Variants in TTC8 observed in about 807,000 individuals in gnomAD.
TTC8 encodes the protein tetratricopeptide repeat protein 8.
Under a neutral mutation model 72.5 loss-of-function variants are expected in TTC8, and 47 were observed. The ratio of observed to expected loss-of-function variants is 0.65; its 90% CI spans 0.51 to 0.83. The LOEUF is 0.83. TTC8 is among the 40% of genes least tolerant of loss of function. The probability of loss-of-function intolerance (pLI) is 0.00; values close to 1 mark genes in which losing one functional copy is unlikely to be tolerated. For missense variants in TTC8, 611 were observed against 623.2 expected (o/e 0.98, Z 0.21); for synonymous variants, 199 against 221.4 (o/e 0.90, Z 0.90).
chr14:88,860,926 C>T (rs1056590318), intron 9 of TTC8, among the ~76,000 whole-genome samples: 1 of 151,900 alleles, frequency 6.6e-6, no homozygotes, highest in Non-Finnish European at 1.5e-5. Context: ...ATCTCAGCCT[C>T]CCAAGTAGCT....
rs79187200 is a variant in TTC8 at position 88,875,190 on chromosome 14, A to G, written c.1431+81A>G. 7.2e-3 allele frequency: 8,655 copies of G among 1,203,822 alleles called. 490 individuals are homozygous for G. The African/African-American group carries it at 0.11, about 16-fold the overall frequency. The allele number at this position is 1,203,822 out of a possible 1,614,324, so 74.6% of individuals were successfully genotyped here. ...TTAAAAAAAGTACAAATAAATGAGG[A>G]AATTCTAACCTCATCTTCCTGAAAG... On this transcript the variant is annotated intron_variant, in intron 14 of 14. Transcript: ENST00000380656.
chr14:88,830,859 C>T lies in TTC8; in HGVS notation c.115-2834C>T, dbSNP rs762567076. The T allele has an allele frequency of 1.8e-5, 8 of 456,006 alleles. No individual in the cohort carries two copies. The East Asian group carries it at 2.1e-4, about 12-fold the overall frequency. 28.2% of individuals were successfully genotyped at this position (456,006 alleles called of 1,614,324 possible). A position where few individuals can be genotyped will look rare whatever the true frequency, so the allele number is the denominator to read the frequency against. ...CCCCTATCTCCTAATTAAAACATTC[C>T]GACTCTTCCTTCATAGTCCTGCTCC... On this transcript the variant is annotated intron_variant, in intron 1 of 14. Transcript: ENST00000380656.
chr14:88,862,293 A>G (rs2094889394), intron 10 of TTC8, among the ~76,000 whole-genome samples: 1 of 151,604 alleles, frequency 6.6e-6, no homozygotes, highest in African/African-American at 2.4e-5. Context: ...TCTTTTGAGA[A>G]ATGTCTATTC....
upstream of TTC8, chr14:88,824,610 G>A (rs562830203): frequency 2.0e-6 from 2 of 979,296 alleles, no homozygotes; most frequent in Non-Finnish European, 3.1e-6. Flanking sequence ...GGCCCCAGCC[G>A]TCGCGGGTTG....
intron 1 of TTC8, among the ~76,000 whole-genome samples, chr14:88,832,351 C>T (rs1424646286): frequency 1.3e-5 from 2 of 152,172 alleles, no homozygotes; most frequent in African/African-American, 4.8e-5. Context: ...GCTGTTTTTT[C>T]CTTTTCAAGC....
chr14:88,864,418 C>T (rs959219205), intron 10 of TTC8, among the ~76,000 whole-genome samples: 36 of 152,198 alleles, frequency 2.4e-4, no homozygotes, highest in Admixed American at 2.6e-4. Flanking sequence ...GCCTTCTGCT[C>T]ATTTCAGCCC....
rs762698579 is a variant in TTC8 at position 88,841,574 on chromosome 14, A to C, written c.579+60A>C. 3 of 1,352,240 alleles carry C rather than the reference A, an allele frequency of 2.2e-6. No individual in the cohort carries two copies. The East Asian group carries it at 6.9e-5, about 31-fold the overall frequency. 83.8% of individuals were successfully genotyped at this position (1,352,240 alleles called of 1,614,324 possible). A position where few individuals can be genotyped will look rare whatever the true frequency, so the allele number is the denominator to read the frequency against. On this transcript the variant is annotated intron_variant, in intron 6 of 14. Transcript: ENST00000380656. The stretch of plus-strand genomic sequence containing the variant: ...ATATTACACGTATGATGATAATGAC[A>C]AATTAGAAAATGAATAAAAACTTGT...
Position 88,871,658 on chromosome 14 carries a change from C to CT in TTC8, c.1162dup (p.Ser388PhefsTer4). ...GACTCTGACCTCATTTGAACGTGCC[C>CT]TTTCTTTGGCTGAAAATGAAGAAGA... On this transcript the variant is annotated frameshift_variant, in exon 12 of 15. Coordinates refer to ENST00000380656, the MANE Select transcript of TTC8 (RefSeq NM_144596.4). LOFTEE classifies it high-confidence loss of function. The surrounding 1 kb of genome is among the most constrained non-coding windows in gnomAD (Gnocchi z 4.1). 6.2e-7 allele frequency: 1 copy of CT among 1,614,098 alleles called. No individual in the cohort carries two copies. Among genetic ancestry groups the CT allele is most frequent in the South Asian group, 1.1e-5 (1 of 91,078 alleles).
intron 7 of TTC8, among the ~76,000 whole-genome samples, chr14:88,844,383 T>C (rs1262344953): frequency 6.6e-6 from 1 of 152,182 alleles, no homozygotes; most frequent in Non-Finnish European, 1.5e-5. Context: ...TATATGCAAA[T>C]GAGCAATAAT....
At chr14:88,829,927 C>T (rs148546645) in intron 1 of TTC8, among the ~76,000 whole-genome samples, 4 of 152,282 alleles carry the variant, frequency 2.6e-5, no homozygotes, top group African/African-American at 9.6e-5. Flanking sequence ...CTTAGCCAGA[C>T]TTAATCCTTT....
chr14:88,824,440 T>A (rs1215745571), upstream of TTC8: 3 of 479,048 alleles, frequency 6.3e-6, no homozygotes, highest in Non-Finnish European at 1.1e-5. Context: ...ACCTTTTTGT[T>A]TAGCCGCGGT....
intron 8 of TTC8, 128 bp downstream of exon 8, chr14:88,853,184 A>G: frequency 1.4e-6 from 1 of 707,406 alleles, no homozygotes. Flanking sequence ...CTTACTTGAT[A>G]AAGCATTTAC....
intron 6 of TTC8, among the ~76,000 whole-genome samples, chr14:88,842,951 G>A (rs1461076175): frequency 6.8e-6 from 1 of 146,980 alleles, no homozygotes. Flanking sequence ...TTATAGGTTT[G>A]TTTTTTTTTT....
At chr14:88,844,571 G>A (rs1270287895) in intron 7 of TTC8, among the ~76,000 whole-genome samples, 1 of 151,392 alleles carries the variant, frequency 6.6e-6, no homozygotes, top group African/African-American at 2.4e-5. Context: ...TTGAGACAGA[G>A]TCTCACTCTG....
At chr14:88,833,540 G>A (rs1169218213) in intron 1 of TTC8, among the ~76,000 whole-genome samples, 153 bp from the exon 2 acceptor site, 2 of 152,160 alleles carry the variant, frequency 1.3e-5, no homozygotes, top group East Asian at 3.9e-4. Flanking sequence ...CACAACTCTT[G>A]AGAACACTTC....
At chr14:88,865,262 AC>A (rs2141024071) in intron 10 of TTC8, among the ~76,000 whole-genome samples, 1 of 152,274 alleles carries the variant, frequency 6.6e-6, no homozygotes, top group Admixed American at 6.5e-5. Flanking sequence ...GGGAAGTATG[AC>A]CCATCCTCTT....
intron 1 of TTC8, among the ~76,000 whole-genome samples, chr14:88,827,358 A>G (rs2094706283): frequency 6.6e-6 from 1 of 152,226 alleles, no homozygotes; most frequent in East Asian, 1.9e-4. Context: ...TCCAATATAT[A>G]TAGAGTAGGT....
chr14:88,851,121 A>G (rs981859006), intron 7 of TTC8, among the ~76,000 whole-genome samples: 1 of 152,154 alleles, frequency 6.6e-6, no homozygotes, highest in African/African-American at 2.4e-5. Flanking sequence ...ATGCTACACT[A>G]GAGTCAGATT....
At chr14:88,855,849 G>C (rs905695517) in intron 8 of TTC8, among the ~76,000 whole-genome samples, 22 of 152,196 alleles carry the variant, frequency 1.4e-4, no homozygotes, top group African/African-American at 5.3e-4. Context: ...GGGAGGCCAA[G>C]GTGGGAGGAT....
Sources: allele counts gnomAD v4.1 joint callset (sites outside exome capture counted in the v4.1 genomes callset), GRCh38; gene constraint gnomAD v4.1.1; non-coding constraint Gnocchi (gnomAD v3.1); transcripts MANE v1.5; gene names NCBI Gene and HGNC (gene_info 2026-07-23, HGNC 2026-07-21).